TRIP12: variants seen among roughly 807,000 people sequenced by gnomAD.
TRIP12 encodes the protein thyroid hormone receptor interactor 12, also known as E3 ubiquitin-protein ligase TRIP12.
Under a neutral mutation model 244.2 loss-of-function variants are expected in TRIP12, and 25 were observed. The observed-to-expected ratio is 0.10, with a 90% CI of 0.07 to 0.14. TRIP12 has a LOEUF of 0.14. Among genes scored for constraint, TRIP12 ranks in the 10% least tolerant of loss-of-function variants. The pLI, the probability that TRIP12 is intolerant of heterozygous loss-of-function variation, is 1.00. For missense variants in TRIP12, 1,677 were observed against 2,486.4 expected, an observed-to-expected ratio of 0.67 and a Z score of 6.92; for synonymous variants, 905 against 873.1, an observed-to-expected ratio of 1.04 and a Z score of -0.64.
At chr2:229,851,189 T>C (rs1330070895) in intron 4 of TRIP12, among the ~76,000 whole-genome samples, 1 of 152,172 alleles carries the variant, frequency 6.6e-6, no homozygotes, top group Admixed American at 6.5e-5. Context: ...CTGAGTCTGG[T>C]GGGGACGTGG....
At chr2:229,842,093 T>C (rs2056561096) in intron 4 of TRIP12, among the ~76,000 whole-genome samples, 2 of 152,372 alleles carry the variant, frequency 1.3e-5, no homozygotes, top group Admixed American at 1.3e-4. Context: ...GCATTACTTT[T>C]TAGACATCTA....
At chr2:229,875,773 T>C (rs988393847) in intron 2 of TRIP12, among the ~76,000 whole-genome samples, 3 of 152,228 alleles carry the variant, frequency 2.0e-5, no homozygotes, top group African/African-American at 7.2e-5. Flanking sequence ...AATACCTTTA[T>C]GGGGCAAGTC....
chr2:229,781,823 T>C (rs529578527), intron 34 of TRIP12, among the ~76,000 whole-genome samples: 20 of 152,300 alleles, frequency 1.3e-4, no homozygotes, highest in African/African-American at 4.6e-4. Flanking sequence ...ACAAAGTCAG[T>C]GCTTGTGAGG....
intron 1 of TRIP12, among the ~76,000 whole-genome samples, chr2:229,920,573 A>G (rs2076312035): frequency 6.6e-6 from 1 of 151,704 alleles, no homozygotes; most frequent in Non-Finnish European, 1.5e-5. Context: ...CTTAGGCTAA[A>G]CCTCCCCCAA....
At chr2:229,868,726 C>T (rs904015266) in intron 2 of TRIP12, among the ~76,000 whole-genome samples, 2 of 152,074 alleles carry the variant, frequency 1.3e-5, no homozygotes, top group Admixed American at 6.5e-5. Context: ...GTTAAACAGA[C>T]GAATGAAGAA....
rs536540409 is a variant in TRIP12, at chr2:229,822,954, A to G, written c.1451-4442T>C. Among the ~76,000 whole-genome samples the G allele has an allele frequency of 4.5e-4, 69 of 152,362 alleles. 1 individual carries two copies. The South Asian group carries it at 6.2e-3, about 14-fold the overall frequency. ...TGACGGGTTTAACAAAAGATTGAAG[A>G]CAGCAGAAAAAAGAACTAGTGAATT... is the stretch of plus-strand genomic sequence containing the variant. On this transcript the variant is annotated intron_variant, in intron 8 of 41. Transcript: ENST00000675903.
rs759208534 is a variant in TRIP12, at chr2:229,839,234, A to C, written c.1133+1588T>G. ...AGTATTCTGTAAGGTAACGTGTTTT[A>C]CAGGTTTGTGGCTAGGAGCAACAGG... On this transcript the variant is annotated intron_variant, in intron 5 of 41. Transcript: ENST00000675903. Among the ~76,000 whole-genome samples the C allele has an allele frequency of 3.2e-4, 49 of 152,306 alleles. 2 individuals are homozygous for C. The highest frequency in any genetic ancestry group is 4.1e-4 in the South Asian group (2 of 4,822).
At chr2:229,908,476 G>A (rs966437845) in intron 1 of TRIP12, among the ~76,000 whole-genome samples, 4 of 152,204 alleles carry the variant, frequency 2.6e-5, no homozygotes, top group African/African-American at 4.8e-5. Flanking sequence ...CGGGCGCGGT[G>A]GCTCACACTT....
intron 2 of TRIP12, among the ~76,000 whole-genome samples, chr2:229,863,385 G>A (rs2060798296): frequency 6.6e-6 from 1 of 151,806 alleles, no homozygotes; most frequent in Admixed American, 6.6e-5. Flanking sequence ...CTGCCTATCT[G>A]TTTAGCCCAT....
intron 18 of TRIP12, 92 bp downstream of exon 18, chr2:229,805,636 TAA>T: frequency 1.6e-6 from 2 of 1,258,822 alleles, no homozygotes; most frequent in Non-Finnish European, 2.1e-6. Flanking sequence ...GTCTTAAGCT[TAA>T]AAAGATACTT....
intron 1 of TRIP12, among the ~76,000 whole-genome samples, chr2:229,881,208 T>C (rs1268231565): frequency 6.6e-6 from 1 of 152,234 alleles, no homozygotes; most frequent in Non-Finnish European, 1.5e-5. Context: ...CTCAAAACAG[T>C]TCTTAATCAA....
chr2:229,775,387 A>T (rs1251539509), intron 37 of TRIP12, among the ~76,000 whole-genome samples: 9 of 105,926 alleles, frequency 8.5e-5, no homozygotes, highest in East Asian at 5.0e-4. Context: ...ACAAAGATTT[A>T]AAAAAAAAAA....
At position 229,766,698 on chromosome 2, in the gene TRIP12, A is replaced by G. The variant is rs567094199; in HGVS notation, c.*856T>C. 9 of 152,352 alleles carry G rather than the reference A, an allele frequency of 5.9e-5. No homozygotes were observed. The highest frequency in any genetic ancestry group is 1.7e-4 in the African/African-American group (7 of 41,572). The allele number at this position is 152,352 out of a possible 1,614,324, so 9.4% of individuals were successfully genotyped here. A position where few individuals can be genotyped will look rare whatever the true frequency, so the allele number is the denominator to read the frequency against. On this transcript the variant is annotated 3_prime_UTR_variant, in exon 42 of 42. Transcript: ENST00000675903. ...AAATCCTCTGGCCACAGAATAATAA[A>G]TACCGGCCAGCCCAAGCTGTAGACT...
intron 31 of TRIP12, 35 bp from the exon 32 acceptor site, chr2:229,788,975 T>C (rs1049013051): frequency 6.5e-7 from 1 of 1,541,294 alleles, no homozygotes; most frequent in African/African-American, 1.4e-5. Context: ...AGTCTACATG[T>C]AGTAAAATAT....
chr2:229,796,291 T>C (rs1187873479), intron 25 of TRIP12, among the ~76,000 whole-genome samples: 2 of 152,184 alleles, frequency 1.3e-5, no homozygotes, highest in South Asian at 2.1e-4. Context: ...AAAACAAATA[T>C]TGCAAGTAAA....
chr2:229,781,949 C>A (rs532722777), intron 34 of TRIP12, among the ~76,000 whole-genome samples: 4 of 152,138 alleles, frequency 2.6e-5, no homozygotes, highest in African/African-American at 9.7e-5. Flanking sequence ...CATTAGCAAT[C>A]CAATCCTGCT....
intron 17 of TRIP12, 138 bp from the exon 18 acceptor site, chr2:229,806,021 G>C (rs769748815): frequency 1.9e-5 from 12 of 634,862 alleles, no homozygotes; most frequent in Non-Finnish European, 3.0e-5. Context: ...ACAGAAGATG[G>C]AATAATAGTG....
At chr2:229,849,399 A>G (rs908036805) in intron 4 of TRIP12, among the ~76,000 whole-genome samples, 3 of 152,160 alleles carry the variant, frequency 2.0e-5, no homozygotes, top group African/African-American at 7.2e-5. Flanking sequence ...TAAGGTTAGA[A>G]TGCAAAATCT....
intron 1 of TRIP12, among the ~76,000 whole-genome samples, chr2:229,920,394 A>C (rs946014078): frequency 6.6e-6 from 1 of 152,170 alleles, no homozygotes. Flanking sequence ...GACCGCGACT[A>C]GGAAAGGAGA....
Sources: gnomAD v4.1 joint callset for allele counts (sites outside exome capture counted in the v4.1 genomes callset) on GRCh38, gnomAD v4.1.1 for gene constraint, MANE v1.5 for transcripts, NCBI Gene and HGNC (gene_info 2026-07-23, HGNC 2026-07-21) for gene names.